CCNY: variants seen among roughly 807,000 people sequenced by gnomAD.
CCNY encodes cyclin Y, also known as cyclin-Y.
Under a neutral mutation model 42.8 loss-of-function variants are expected in CCNY, and 19 were observed. The observed-to-expected ratio is 0.44, with a 90% CI of 0.31 to 0.65. CCNY has a LOEUF of 0.65. CCNY is among the 30% of genes least tolerant of loss of function. CCNY has a pLI of 0.07. For missense variants in CCNY, 370 were observed against 437.3 expected (o/e 0.85, Z 1.37); for synonymous variants, 165 against 162.7 (o/e 1.01, Z -0.11).
chr10:35,320,609 T>G (rs1835809755), intron 3 of CCNY, among the ~76,000 whole-genome samples: 1 of 152,074 alleles, frequency 6.6e-6, no homozygotes, highest in South Asian at 2.1e-4. Flanking sequence ...ACACTGGAAG[T>G]CCTAGCCAGT....
At chr10:35,358,955 G>C (rs1424014592) in intron 1 of CCNY, among the ~76,000 whole-genome samples, 2 of 152,246 alleles carry the variant, frequency 1.3e-5, no homozygotes, top group Non-Finnish European at 2.9e-5. Context: ...TGCCAGGGAA[G>C]TAGGGAGGTG....
chr10:35,347,465 C>A (rs1589050096), intron 1 of CCNY: 1 of 976,916 alleles, frequency 1.0e-6, no homozygotes, highest in African/African-American at 1.8e-5. Flanking sequence ...CATGGGAGTT[C>A]TATGTAATAT....
At chr10:35,419,548 T>TTTTTTTTTTTTTTTTTTTTTTTTTTTTTA (rs1838111607) in intron 1 of CCNY, among the ~76,000 whole-genome samples, 1 of 146,180 alleles carries the variant, frequency 6.8e-6, no homozygotes, top group African/African-American at 2.5e-5. Flanking sequence ...TTTTTTTTTT[T>TTTTTTTTTTTTTTTTTTTTTTTTTTTTTA]AGCAATCTGG....
At chr10:35,364,941 C>T (rs1365248066) in intron 1 of CCNY, among the ~76,000 whole-genome samples, 1 of 152,174 alleles carries the variant, frequency 6.6e-6, no homozygotes, top group African/African-American at 2.4e-5. Context: ...TAAGTCCAAG[C>T]TCACCATGTA....
chr10:35,282,115 T>A (rs865978933), intron 3 of CCNY, among the ~76,000 whole-genome samples: 2 of 28,830 alleles, frequency 6.9e-5, no homozygotes, highest in Non-Finnish European at 5.3e-5. Flanking sequence ...ATCTACACCC[T>A]TTTTTTTTTT....
rs1319846286 is a variant in CCNY at position 35,272,990 on chromosome 10, T to C, written c.-9+22364T>C. Among the ~76,000 whole-genome samples the C allele has an allele frequency of 2.0e-5, 3 of 151,976 alleles. No individual in the cohort carries two copies. The East Asian group carries it at 5.8e-4, about 29-fold the overall frequency. On this transcript the variant is annotated intron_variant, in intron 3 of 11. Coordinates refer to the CCNY transcript ENST00000374706. ...ACTGGTGTGAGATGGTATGTCACTG[T>C]GGTTTTGATTTGCCTTTCTCTAATG...
intron 7 of CCNY, among the ~76,000 whole-genome samples, chr10:35,548,837 T>C (rs2135445347): frequency 1.3e-5 from 2 of 152,246 alleles, no homozygotes; most frequent in East Asian, 3.9e-4. Context: ...ACCTGTGTTG[T>C]TCAGGGGTTA....
chr10:35,379,372 G>T (rs746371824), intron 1 of CCNY, among the ~76,000 whole-genome samples: 1 of 152,214 alleles, frequency 6.6e-6, no homozygotes, highest in African/African-American at 2.4e-5. Flanking sequence ...TTGCCCAGAT[G>T]GGGGCAGAAG....
At chr10:35,482,757 T>A (rs949583075) in intron 1 of CCNY, among the ~76,000 whole-genome samples, 2 of 65,640 alleles carry the variant, frequency 3.0e-5, no homozygotes, top group Non-Finnish European at 6.1e-5. Context: ...TAGGTGTGTG[T>A]GTGTGTGTGT....
chr10:35,513,293 G>A (rs1001693876), intron 3 of CCNY, among the ~76,000 whole-genome samples: 2 of 151,696 alleles, frequency 1.3e-5, no homozygotes, highest in African/African-American at 2.4e-5. Context: ...TCACTCATCA[G>A]GCTCCCCTTC....
chr10:35,278,355 C>T (rs1258226427), intron 3 of CCNY, among the ~76,000 whole-genome samples: 1 of 151,938 alleles, frequency 6.6e-6, no homozygotes, highest in East Asian at 1.9e-4. Context: ...GAACCAAGGC[C>T]ACTCCAGGTG....
chr10:35,263,706 G>A (rs935169159), intron 3 of CCNY, among the ~76,000 whole-genome samples: 9 of 151,706 alleles, frequency 5.9e-5, no homozygotes, highest in Admixed American at 2.6e-4. Context: ...TTTAAGTTCC[G>A]GGATACATGT....
chr10:35,414,851 C>T (rs1454294678), intron 1 of CCNY, among the ~76,000 whole-genome samples: 1 of 152,090 alleles, frequency 6.6e-6, no homozygotes, highest in Non-Finnish European at 1.5e-5. Flanking sequence ...TGGTTGGAAG[C>T]GGGGTACATC....
chr10:35,501,468 A>G (rs374028820), intron 2 of CCNY, 33 bp from the exon 3 acceptor site: 3 of 1,608,732 alleles, frequency 1.9e-6, no homozygotes, highest in Admixed American at 1.7e-5. Flanking sequence ...ATGCAGGCAT[A>G]TAACATTTCT....
intron 3 of CCNY, among the ~76,000 whole-genome samples, chr10:35,302,224 G>A (rs1835545974): frequency 6.6e-6 from 1 of 151,326 alleles, no homozygotes; most frequent in Non-Finnish European, 1.5e-5. Flanking sequence ...GCCTCCCAGA[G>A]TGCTGGGATT....
At chr10:35,445,446 A>T (rs1353800651) in intron 1 of CCNY, among the ~76,000 whole-genome samples, 1 of 152,218 alleles carries the variant, frequency 6.6e-6, no homozygotes, top group African/African-American at 2.4e-5. Context: ...GCATGGAGAG[A>T]CTGAGCAGAG....
chr10:35,440,245 T>G (rs977722030), intron 1 of CCNY, among the ~76,000 whole-genome samples: 12 of 152,180 alleles, frequency 7.9e-5, no homozygotes, highest in African/African-American at 2.9e-4. Context: ...TGTTTGCAGA[T>G]TGTCTCCTTC....
intron 7 of CCNY, among the ~76,000 whole-genome samples, chr10:35,531,978 T>C (rs1840778955): frequency 6.6e-6 from 1 of 152,242 alleles, no homozygotes; most frequent in African/African-American, 2.4e-5. Flanking sequence ...GGCACTTTTC[T>C]TGTGAATAAT....
chr10:35,387,484 G>A (rs1045408446), intron 1 of CCNY, among the ~76,000 whole-genome samples: 9 of 152,116 alleles, frequency 5.9e-5, no homozygotes, highest in African/African-American at 2.4e-5. Flanking sequence ...GGAGAAGGAT[G>A]GTGGGAAGAA....
Sources: allele counts gnomAD v4.1 joint callset (sites outside exome capture counted in the v4.1 genomes callset), GRCh38; gene constraint gnomAD v4.1.1; transcripts MANE v1.5; gene names NCBI Gene and HGNC (gene_info 2026-07-23, HGNC 2026-07-21).